Variants in SLC40A1 observed in about 807,000 individuals in gnomAD.
SLC40A1 encodes the protein solute carrier family 40 member 1, also known as ferroportin.
A neutral mutation model predicts 53.5 loss-of-function variants in SLC40A1; 16 were observed. The observed-to-expected ratio is 0.30, with a 90% confidence interval of 0.20 to 0.45. SLC40A1 has a LOEUF of 0.45. Ranked by LOEUF, SLC40A1 falls within the 20% of genes least tolerant of loss-of-function variation. SLC40A1 has a pLI of 1.00. For missense variants in SLC40A1, 545 were observed against 695.4 expected (o/e 0.78, Z 2.43); for synonymous variants, 247 against 253.2 (o/e 0.98, Z 0.23).
chr2:189,574,316 T>C (rs977133420), intron 3 of SLC40A1, among the ~76,000 whole-genome samples: 2 of 152,212 alleles, frequency 1.3e-5, no homozygotes, highest in African/African-American at 4.8e-5. Flanking sequence ...TCTATATGTG[T>C]TCTGGTCTAC....
At chr2:189,563,375 ATAAAG>A (rs1348394698) in intron 7 of SLC40A1, among the ~76,000 whole-genome samples, 4 of 152,070 alleles carry the variant, frequency 2.6e-5, no homozygotes, top group African/African-American at 7.2e-5. Context: ...TATGTATATA[ATAAAG>A]TAAACAAATA....
At chr2:189,570,794 A>G (rs2031102688) in intron 5 of SLC40A1, among the ~76,000 whole-genome samples, 1 of 152,186 alleles carries the variant, frequency 6.6e-6, no homozygotes, top group South Asian at 2.1e-4. Context: ...ACCCCAGCAC[A>G]TAATCTTGCC....
chr2:189,577,063 T>C (rs538911137), intron 2 of SLC40A1, among the ~76,000 whole-genome samples: 1 of 152,336 alleles, frequency 6.6e-6, no homozygotes, highest in East Asian at 1.9e-4. Flanking sequence ...TATGTAAATA[T>C]TGACCAAGTG....
rs1245536724 is a variant in SLC40A1, at chr2:189,576,443, T to C, written c.112-1123A>G. On this transcript the variant is annotated intron_variant, in intron 2 of 7. Transcript: ENST00000261024. ...TAATTTTATACATTCAAAACTTAAA[T>C]TGATGCATGTTAGCAATCATTTACA... is the stretch of plus-strand genomic sequence containing the variant. 2.0e-5 allele frequency among the ~76,000 whole-genome samples: 3 copies of C among 152,232 alleles called. No individual in the cohort carries two copies. In the East Asian group the frequency reaches 5.8e-4, roughly 29 times the overall value.
chr2:189,577,057 T>C (rs2031309291), intron 2 of SLC40A1, among the ~76,000 whole-genome samples: 1 of 152,200 alleles, frequency 6.6e-6, no homozygotes, highest in African/African-American at 2.4e-5. Context: ...AAAGTCTATG[T>C]AAATATTGAC....
At chr2:189,580,318 T>C in intron 1 of SLC40A1, 100 bp downstream of exon 1, 1 of 1,201,172 alleles carries the variant, frequency 8.3e-7, no homozygotes, top group South Asian at 1.2e-5. Flanking sequence ...AAAGCTATGG[T>C]TCACAGCAGA....
rs1305014092 is a variant in SLC40A1 at position 189,579,870 on chromosome 2, G to A, written c.54C>T (p.Ala18=). The A allele has an allele frequency of 1.9e-6, 3 of 1,614,040 alleles. No homozygotes were observed. Among genetic ancestry groups the A allele is most frequent in the East Asian group, 4.5e-5 (2 of 44,898 alleles). The change falls in exon 2 of 8, where the codon GCC becomes GCT. Residue 18 remains alanine, a synonymous_variant. Transcript: ENST00000261024. ...NRQRGCCGSL[A]DYLTSAKFLL... is the part of the protein sequence containing the mutation. ...GGAATTTTGCAGAGGTCAGGTAGTC[G>A]GCCAAGGATCCTGCAAAGACACAGG...
In SLC40A1 at chr2:189,568,602, C is replaced by T. The variant is rs533965104; in HGVS notation, c.515-3003G>A. ...TTATATTTAGTCTTACATAAGCACA[C>T]AAATATGTGTTGATTTGATTCCAAT... On this transcript the variant is annotated intron_variant, in intron 5 of 7. Coordinates refer to ENST00000261024, the MANE Select transcript of SLC40A1 (RefSeq NM_014585.6). 2.0e-5 allele frequency among the ~76,000 whole-genome samples: 3 copies of T among 152,294 alleles called. No individual in the cohort carries two copies. In the South Asian group the frequency reaches 6.2e-4, roughly 32 times the overall value.
At chr2:189,577,261 C>T (rs2031317644) in intron 2 of SLC40A1, among the ~76,000 whole-genome samples, 3 of 152,318 alleles carry the variant, frequency 2.0e-5, no homozygotes, top group Admixed American at 6.5e-5. Context: ...CCGACATTTG[C>T]AAGCACTAGA....
chr2:189,565,204 T>A, intron 6 of SLC40A1, 150 bp downstream of exon 6: 1 of 1,002,012 alleles, frequency 1.0e-6, no homozygotes, highest in East Asian at 2.6e-5. Context: ...AAAAGCCTGC[T>A]CTTGCCTCGT....
Position 189,575,297 on chromosome 2 carries a change from C to A in SLC40A1, c.135G>T (p.Ala45=). ...AGAGCTCTACCAGAAACACAGACAC[C>A]GCAAAGTGCCACATCCGATCTCCCT... is the stretch of plus-strand genomic sequence containing the variant. ...STWGDRMWHF[A]VSVFLVELYG... Residue 45 remains alanine, a synonymous_variant, in exon 3 of 8, where the codon GCG becomes GCT. Transcript: ENST00000261024. The A allele has an allele frequency of 6.2e-7, 1 of 1,614,072 alleles. No individual in the cohort carries two copies. The highest frequency in any genetic ancestry group is 1.1e-5 in the South Asian group (1 of 91,082).
intron 7 of SLC40A1, among the ~76,000 whole-genome samples, chr2:189,562,509 ATAGTAT>A (rs1156517671): frequency 2.6e-5 from 4 of 152,334 alleles, no homozygotes; most frequent in African/African-American, 9.6e-5. Flanking sequence ...AAATCCTATT[ATAGTAT>A]AAGTACTAGT....
chr2:189,572,680 G>A (rs1438949864), intron 4 of SLC40A1, 166 bp downstream of exon 4: 1 of 642,688 alleles, frequency 1.6e-6, no homozygotes, highest in African/African-American at 1.8e-5. Context: ...GCCTGTTGTG[G>A]GCAAAACAAC....
Position 189,563,945 on chromosome 2 carries a change from T to C in SLC40A1, c.1041A>G (p.Gly347=). 2 of 1,614,128 alleles carry C rather than the reference T, an allele frequency of 1.2e-6. No individual in the cohort carries two copies. The highest frequency in any genetic ancestry group is 2.2e-5 in the South Asian group (2 of 91,074). ...LSGSILSILM[G]ASAITGIMGT... Reference sequence around the variant, plus strand: ...CCATTATTCCAGTTATAGCTGATGCTCCCATCAAAATACTGAGGATGGAAC... The same window carrying C: ...CCATTATTCCAGTTATAGCTGATGCCCCCATCAAAATACTGAGGATGGAAC... Residue 347 remains glycine (G), a synonymous_variant, in exon 7 of 8, where the codon GGA becomes GGG. Coordinates refer to ENST00000261024, the MANE Select transcript of SLC40A1 (RefSeq NM_014585.6).
chr2:189,571,631 A>G (rs2031128390), intron 5 of SLC40A1, 84 bp downstream of exon 5: 1 of 1,556,920 alleles, frequency 6.4e-7, no homozygotes, highest in East Asian at 2.4e-5. Flanking sequence ...GAACAAAAAT[A>G]CAAGGCTTAC....
At chr2:189,576,889 G>A (rs551832661) in intron 2 of SLC40A1, among the ~76,000 whole-genome samples, 2 of 152,202 alleles carry the variant, frequency 1.3e-5, no homozygotes, top group Admixed American at 6.5e-5. Context: ...AAGACATCAA[G>A]ACAAATGCTA....
intron 2 of SLC40A1, among the ~76,000 whole-genome samples, chr2:189,576,858 T>C (rs1349642652): frequency 6.6e-6 from 1 of 152,216 alleles, no homozygotes; most frequent in Non-Finnish European, 1.5e-5. Context: ...ATTTTTTAAT[T>C]GTCTTAGAGT....
intron 2 of SLC40A1, among the ~76,000 whole-genome samples, chr2:189,577,560 T>C (rs1422226089): frequency 6.6e-6 from 1 of 151,952 alleles, no homozygotes; most frequent in African/African-American, 2.4e-5. Context: ...TTATTAGATA[T>C]CTTTTTTAAA....
chr2:189,574,228 T>C (rs1411583669), intron 3 of SLC40A1, among the ~76,000 whole-genome samples: 1 of 152,226 alleles, frequency 6.6e-6, no homozygotes, highest in African/African-American at 2.4e-5. Flanking sequence ...GATTAAAAGT[T>C]TCTATGTATA....
Sources: gnomAD v4.1 joint callset for allele counts (sites outside exome capture counted in the v4.1 genomes callset) on GRCh38, gnomAD v4.1.1 for gene constraint, MANE v1.5 for transcripts, NCBI Gene and HGNC (gene_info 2026-07-23, HGNC 2026-07-21) for gene names.